The following VPS37B variants were observed in gnomAD, a reference collection of about 807,000 sequenced individuals.
The protein encoded by VPS37B is vacuolar protein sorting-associated protein 37B.
A neutral mutation model predicts 21.2 loss-of-function variants in VPS37B; 11 were observed. That is an observed-to-expected ratio of 0.52 (90% confidence interval 0.33 to 0.86). The LOEUF (loss-of-function observed/expected upper bound fraction) is 0.86, where lower values mean the gene tolerates loss of function less well. VPS37B is among the 40% of genes least tolerant of loss of function. VPS37B has a pLI of 0.03. For synonymous variants in VPS37B, 175 were observed against 159.6 expected, an observed-to-expected ratio of 1.10 and a Z score of -0.73; for missense variants, 389 against 374.8, an observed-to-expected ratio of 1.04 and a Z score of -0.31.
At chr12:122,879,769 G>A (rs2034217365) in intron 1 of VPS37B, 1 of 151,992 alleles carries the variant, frequency 6.6e-6, no homozygotes, top group Non-Finnish European at 1.5e-5. Flanking sequence ...TCATTCCCCT[G>A]TGCCCAGAAC....
intron 1 of VPS37B, chr12:122,871,757 A>C (rs187888439): frequency 8.2e-6 from 8 of 970,782 alleles, no homozygotes; most frequent in African/African-American, 7.0e-5. Context: ...GGTAGAGAAG[A>C]AGCCACATGC....
chr12:122,892,076 G>GC (rs1038066878), intron 1 of VPS37B, among the ~76,000 whole-genome samples: 4 of 152,188 alleles, frequency 2.6e-5, no homozygotes, highest in African/African-American at 9.7e-5. Flanking sequence ...GGAGTGCCCT[G>GC]CAAGTCCAAT....
rs762296523 is a variant in VPS37B, at chr12:122,866,250, T to A, written c.*866A>T. ...ACAAAAGGAAATTGCATCCACTTCA[T>A]CGGCATTTCGATCTGCTCAAGACAG... On this transcript the variant is annotated 3_prime_UTR_variant, in exon 4 of 4. Transcript: ENST00000267202. The A allele has an allele frequency of 6.6e-6, 1 of 152,630 alleles. No individual in the cohort carries two copies. The highest frequency in any genetic ancestry group is 1.5e-5 in the Non-Finnish European group (1 of 68,056). The allele number at this position is 152,630 out of a possible 1,614,324, so 9.5% of individuals were successfully genotyped here. A position where few individuals can be genotyped will look rare whatever the true frequency, so the allele number is the denominator to read the frequency against.
chr12:122,872,255 CAAAG>C (rs768380843), intron 1 of VPS37B: 22 of 985,412 alleles, frequency 2.2e-5, no homozygotes, highest in South Asian at 4.7e-5. Context: ...AATCAGAGAA[CAAAG>C]AAAGAAGCCC....
At chr12:122,876,746 C>G (rs1452899776) in intron 1 of VPS37B, 1 of 151,808 alleles carries the variant, frequency 6.6e-6, no homozygotes, top group Non-Finnish European at 1.5e-5. Flanking sequence ...CACACTATCT[C>G]AAATGCACAT....
chr12:122,867,024 C>G lies in VPS37B; in HGVS notation c.*92G>C. ...CACGCTGGCCCAGGGCCCCAGAGCC[C>G]TTGGCACAGAGCGGACCTCCAGCCT... On this transcript the variant is annotated 3_prime_UTR_variant, in exon 4 of 4. Transcript: ENST00000267202. The surrounding 1 kb of genome is among the most constrained non-coding windows in gnomAD (Gnocchi z 5.5). 1 of 1,415,702 alleles carries G rather than the reference C, an allele frequency of 7.1e-7. No homozygotes were observed. The highest frequency in any genetic ancestry group is 9.2e-7 in the Non-Finnish European group (1 of 1,081,438). 87.7% of individuals were successfully genotyped at this position (1,415,702 alleles called of 1,614,324 possible).
chr12:122,874,465 G>A (rs1368265274), intron 1 of VPS37B: 1 of 152,160 alleles, frequency 6.6e-6, no homozygotes, highest in Admixed American at 6.5e-5. Flanking sequence ...TCTTATTTCC[G>A]TAGGGTTTAA....
At position 122,875,605 on chromosome 12, in the gene VPS37B, G is replaced by C. The variant is rs190437936; in HGVS notation, c.112-4544C>G. 30 of 151,034 alleles carry C rather than the reference G, an allele frequency of 2.0e-4. 1 individual carries two copies. Among genetic ancestry groups the C allele is most frequent in the African/African-American group, 6.6e-4 (27 of 41,208 alleles). The allele number at this position is 151,034 out of a possible 1,614,324, so 9.4% of individuals were successfully genotyped here. A position where few individuals can be genotyped will look rare whatever the true frequency, so the allele number is the denominator to read the frequency against. On this transcript the variant is annotated intron_variant, in intron 1 of 3. Coordinates refer to ENST00000267202, the MANE Select transcript of VPS37B (RefSeq NM_024667.3). ...CATTGTTACAGTTGGAAAAAAAAAGGGGGGAGGAGAAACAACAGCTTTGTT... is the reference window on the plus strand; with the variant it reads ...CATTGTTACAGTTGGAAAAAAAAAGCGGGGAGGAGAAACAACAGCTTTGTT...
intron 1 of VPS37B, chr12:122,872,297 C>T (rs2034054853): frequency 2.0e-6 from 2 of 985,434 alleles, no homozygotes; most frequent in South Asian, 9.4e-5. Context: ...TCAGGAGATC[C>T]CTAACCCCAG....
chr12:122,867,308 C>T lies in VPS37B; in HGVS notation c.666G>A (p.Pro222=), dbSNP rs776346121. The change falls in exon 4 of 4, where the codon CCG becomes CCA. Residue 222 remains proline (P), a synonymous_variant. Coordinates refer to ENST00000267202, the MANE Select transcript of VPS37B (RefSeq NM_024667.3). This position sits in a 1 kb window ranked among gnomAD's most constrained non-coding sequence, Gnocchi z 5.5. ...GTCCCGAACTCATGGCCGCAGTAAA[C>T]GGGGTGGCTAAGCGTCCCGCAGGCA... is the stretch of plus-strand genomic sequence containing the variant. The part of the protein sequence containing the change: ...PPVPAGRLAT[P]FTAAMSSGQA... 4.2e-5 allele frequency: 33 copies of T among 777,764 alleles called. No individual in the cohort carries two copies. The highest frequency in any genetic ancestry group is 3.7e-4 in the Middle Eastern group (1 of 2,688). The allele number at this position is 777,764 out of a possible 1,614,324, so 48.2% of individuals were successfully genotyped here.
At chr12:122,881,679 C>G (rs1486780560) in intron 1 of VPS37B, 1 of 152,152 alleles carries the variant, frequency 6.6e-6, no homozygotes, top group Non-Finnish European at 1.5e-5. Context: ...AAGGCAAGAC[C>G]GCAGTGGGCT....
chr12:122,885,096 T>G (rs1479369533), intron 1 of VPS37B: 1 of 147,374 alleles, frequency 6.8e-6, no homozygotes, highest in Non-Finnish European at 1.5e-5. Context: ...ATAATGGAAT[T>G]TTTTTTTTCA....
At chr12:122,886,636 T>C (rs2034334191) in intron 1 of VPS37B, 1 of 152,134 alleles carries the variant, frequency 6.6e-6, no homozygotes, top group African/African-American at 2.4e-5. Flanking sequence ...TGATTTACCA[T>C]GGAACTCTTT....
chr12:122,875,393 G>A (rs996507848), intron 1 of VPS37B: 4 of 151,948 alleles, frequency 2.6e-5, no homozygotes, highest in African/African-American at 9.7e-5. Context: ...TAAATTCTAA[G>A]TGGCCACCCA....
At chr12:122,873,825 ACTTGT>A (rs1207129171) in intron 1 of VPS37B, 1 of 152,158 alleles carries the variant, frequency 6.6e-6, no homozygotes, top group Admixed American at 6.5e-5. Flanking sequence ...CAGACGACAC[ACTTGT>A]CTTTGGCATC....
chr12:122,886,616 A>G (rs969707879), intron 1 of VPS37B: 7 of 152,172 alleles, frequency 4.6e-5, no homozygotes, highest in African/African-American at 1.7e-4. Flanking sequence ...CCCCTCTTTA[A>G]TTCCCAAATT....
chr12:122,890,299 T>C (rs1263247703), intron 1 of VPS37B: 1 of 151,830 alleles, frequency 6.6e-6, no homozygotes, highest in Non-Finnish European at 1.5e-5. Flanking sequence ...GAGAGCTTTT[T>C]CATCTGAACT....
intron 1 of VPS37B, among the ~76,000 whole-genome samples, chr12:122,892,341 C>T (rs955209094): frequency 7.9e-5 from 12 of 152,120 alleles, no homozygotes; most frequent in East Asian, 3.9e-4. Flanking sequence ...GAAACTCACA[C>T]GCCACAATTA....
chr12:122,877,153 C>A (rs1191975819), intron 1 of VPS37B: 1 of 152,168 alleles, frequency 6.6e-6, no homozygotes, highest in Non-Finnish European at 1.5e-5. Flanking sequence ...ATAATACTTA[C>A]AACAACTAAG....
Sources: allele counts gnomAD v4.1 joint callset (sites outside exome capture counted in the v4.1 genomes callset), GRCh38; gene constraint gnomAD v4.1.1; non-coding constraint Gnocchi (gnomAD v3.1); transcripts MANE v1.5; gene names NCBI Gene and HGNC (gene_info 2026-07-23, HGNC 2026-07-21).